Variants in ERLIN1 observed in about 807,000 individuals in gnomAD.
ERLIN1 encodes the protein erlin-1.
A neutral mutation model predicts 46.9 loss-of-function variants in ERLIN1; 24 were observed. The observed-to-expected ratio is 0.51, with a 90% confidence interval of 0.37 to 0.72. ERLIN1 has a LOEUF of 0.72. Ranked by LOEUF, ERLIN1 falls within the 30% of genes least tolerant of loss-of-function variation. The pLI is 0.00. For synonymous variants in ERLIN1, 158 were observed against 143.2 expected, an observed-to-expected ratio of 1.10 and a Z score of -0.74; for missense variants, 293 against 417.9, an observed-to-expected ratio of 0.70 and a Z score of 2.61.
chr10:100,159,486 CACAG>C (rs1159594008), intron 8 of ERLIN1, among the ~76,000 whole-genome samples: 1 of 152,128 alleles, frequency 6.6e-6, no homozygotes, highest in Non-Finnish European at 1.5e-5. Flanking sequence ...TTTTCAAGCA[CACAG>C]ACATTTACAA....
At chr10:100,154,239 A>T (rs1842956340) in intron 10 of ERLIN1, among the ~76,000 whole-genome samples, 1 of 152,146 alleles carries the variant, frequency 6.6e-6, no homozygotes, top group Admixed American at 6.5e-5. Context: ...ACACCAAATT[A>T]TCACCTATAT....
chr10:100,172,272 T>C (rs1589541297), intron 6 of ERLIN1, among the ~76,000 whole-genome samples: 1 of 152,358 alleles, frequency 6.6e-6, no homozygotes, highest in Non-Finnish European at 1.5e-5. Flanking sequence ...TCTGCTTTAG[T>C]TGAGCATGTA....
Position 100,185,620 on chromosome 10 carries a change from T to C in ERLIN1, c.7A>G (p.Met3Val), listed in dbSNP as rs368493509. ...GCCACCAGAACCCGGGCTTGAGTCA[T>C]ATTCATTCTCGTTCCTCCTGGGAGC... MN[M>V]TQARVLVAAV... The change falls in exon 1 of 11, where the codon ATG becomes GTG. Residue 3 changes from methionine to valine, a missense_variant. Met to Val is a conservative substitution (Grantham distance 21). Around this residue, in one of 3 missense-constraint regions of ERLIN1, gnomAD observed 76 missense variants for 77.0 expected, o/e 0.99. Transcript: ENST00000421367. The C allele has an allele frequency of 6.6e-5, 107 of 1,613,690 alleles. No homozygotes were observed. Among genetic ancestry groups the C allele is most frequent in the Non-Finnish European group, 8.1e-5 (95 of 1,179,706 alleles).
intron 6 of ERLIN1, among the ~76,000 whole-genome samples, chr10:100,170,208 G>A (rs1843910330): frequency 6.6e-6 from 1 of 152,128 alleles, no homozygotes; most frequent in African/African-American, 2.4e-5. Context: ...ATATGGTAAT[G>A]TGTTAAAAAT....
At chr10:100,158,680 C>T (rs1219926576) in intron 8 of ERLIN1, among the ~76,000 whole-genome samples, 4 of 152,052 alleles carry the variant, frequency 2.6e-5, no homozygotes. Context: ...CAACATGAAA[C>T]TAAAATACTA....
At chr10:100,152,736 A>AT (rs1313092073) in intron 10 of ERLIN1, among the ~76,000 whole-genome samples, 1 of 152,070 alleles carries the variant, frequency 6.6e-6, no homozygotes, top group Non-Finnish European at 1.5e-5. Flanking sequence ...AATTATTTTT[A>AT]TTTTTGTAGA....
intron 9 of ERLIN1, among the ~76,000 whole-genome samples, chr10:100,155,721 A>G (rs1249616710): frequency 6.6e-6 from 1 of 152,008 alleles, no homozygotes; most frequent in Admixed American, 6.5e-5. Flanking sequence ...TCACCGTTTT[A>G]GCCGGGATGG....
rs752701345 is a variant in ERLIN1, at chr10:100,155,504, A to AT, written c.746-566dup. Among the ~76,000 whole-genome samples, 52 of 131,530 alleles carry AT rather than the reference A, an allele frequency of 4.0e-4. No individual in the cohort carries two copies. The East Asian group carries it at 0.012, about 30-fold the overall frequency. 86.3% of individuals were successfully genotyped at this position (131,530 alleles called of 152,430 possible). On this transcript the variant is annotated intron_variant, in intron 9 of 10. Transcript: ENST00000421367. ...AAAGAAACTGGTCGTGATGGGGTTT[A>AT]TTTATTTTTAATTTTTTTTTTATTT... is the stretch of plus-strand genomic sequence containing the variant.
intron 8 of ERLIN1, among the ~76,000 whole-genome samples, chr10:100,157,727 A>G (rs75219350): frequency 0.011 from 1,658 of 152,334 alleles, 31 homozygotes; most frequent in African/African-American, 0.038. Flanking sequence ...CAGAAACTCA[A>G]GATAAAACAT....
chr10:100,153,329 A>G (rs1842906251), intron 10 of ERLIN1, among the ~76,000 whole-genome samples: 1 of 151,814 alleles, frequency 6.6e-6, no homozygotes, highest in African/African-American at 2.4e-5. Flanking sequence ...GTCGACCACC[A>G]GATCTCCCTC....
Position 100,156,135 on chromosome 10 carries a change from C to T in ERLIN1, c.745+10G>A. 6.3e-7 allele frequency: 1 copy of T among 1,593,314 alleles called. No homozygotes were observed. Among genetic ancestry groups the T allele is most frequent in the African/African-American group, 1.3e-5 (1 of 74,714 alleles). On this transcript the variant is annotated intron_variant, in intron 9 of 10. Transcript: ENST00000421367. ...GACAGGCAGAGCTTCATCCTCTCCC[C>T]ACAATGTACCTTCGATTTCAGAAAT...
chr10:100,176,916 G>A (rs151119814), intron 4 of ERLIN1, among the ~76,000 whole-genome samples: 90 of 152,240 alleles, frequency 5.9e-4, no homozygotes, highest in African/African-American at 2.1e-3. Context: ...TGAGTCAGGA[G>A]TTCAAGACCA....
At chr10:100,170,394 G>A (rs574862750) in intron 6 of ERLIN1, among the ~76,000 whole-genome samples, 1 of 152,194 alleles carries the variant, frequency 6.6e-6, no homozygotes, top group South Asian at 2.1e-4. Flanking sequence ...CTAAAACAAT[G>A]GAGATCTCTA....
chr10:100,152,122 C>T lies in ERLIN1; in HGVS notation c.*9G>A. 6.3e-7 allele frequency: 1 copy of T among 1,577,610 alleles called. No individual in the cohort carries two copies. Among genetic ancestry groups the T allele is most frequent in the Non-Finnish European group, 8.7e-7 (1 of 1,146,758 alleles). On this transcript the variant is annotated 3_prime_UTR_variant, in exon 11 of 11. Coordinates refer to ENST00000421367, the MANE Select transcript of ERLIN1 (RefSeq NM_006459.4). ...CATCTTGATATGGAGAACATTTCCA[C>T]CTCTTGCATCAACCTGTGCTCTCTT...
intron 8 of ERLIN1, among the ~76,000 whole-genome samples, chr10:100,160,297 G>C (rs1843295326): frequency 6.6e-6 from 1 of 152,010 alleles, no homozygotes; most frequent in Non-Finnish European, 1.5e-5. Flanking sequence ...ACAAGACTAA[G>C]ATGGCTTTTA....
intron 5 of ERLIN1, among the ~76,000 whole-genome samples, chr10:100,174,751 A>T (rs1475321208): frequency 6.6e-6 from 1 of 152,166 alleles, no homozygotes; most frequent in East Asian, 1.9e-4. Flanking sequence ...ACTAAACTTC[A>T]TTTCCATGGA....
At position 100,185,551 on chromosome 10, in the gene ERLIN1, G is replaced by A; in HGVS notation, c.76C>T (p.His26Tyr). 1 of 1,613,862 alleles carries A rather than the reference G, an allele frequency of 6.2e-7. No homozygotes were observed. Among genetic ancestry groups the A allele is most frequent in the Non-Finnish European group, 8.5e-7 (1 of 1,179,736 alleles). Reference sequence around the variant, plus strand: ...GCCAGATGGCCCTCCTCAATCTTGTGGATGGAGGCGTAGAGCAGGACAGCC... The same window carrying A: ...GCCAGATGGCCCTCCTCAATCTTGTAGATGGAGGCGTAGAGCAGGACAGCC... ...LVAVLLYASI[H>Y]KIEEGHLAVY... is the part of the protein sequence containing the mutation. Residue 26 changes from histidine to tyrosine, a missense_variant, in exon 1 of 11, where the codon CAC (histidine) becomes TAC (tyrosine). His to Tyr is a moderately conservative substitution (Grantham distance 83, BLOSUM62 2). Coordinates refer to ENST00000421367, the MANE Select transcript of ERLIN1 (RefSeq NM_006459.4).
intron 6 of ERLIN1, among the ~76,000 whole-genome samples, chr10:100,168,899 G>A (rs1331073787): frequency 1.3e-5 from 2 of 152,058 alleles, no homozygotes; most frequent in Admixed American, 1.3e-4. Context: ...GGTCAAGCTG[G>A]TCTCGAACTC....
chr10:100,179,185 C>A lies in ERLIN1; in HGVS notation c.242+16G>T. 1.9e-6 allele frequency: 3 copies of A among 1,584,076 alleles called. No homozygotes were observed. Among genetic ancestry groups the A allele is most frequent in the Non-Finnish European group, 2.6e-6 (3 of 1,162,244 alleles). The stretch of plus-strand genomic sequence containing the variant: ...TCTGAGCTAAAGGGAGGCTCGTAGG[C>A]AAAGAGAAAGCTTACCTTGTTCCAC... On this transcript the variant is annotated intron_variant, in intron 3 of 10. Coordinates refer to ENST00000421367, the MANE Select transcript of ERLIN1 (RefSeq NM_006459.4).
Sources: gnomAD v4.1 joint callset for allele counts (sites outside exome capture counted in the v4.1 genomes callset) on GRCh38, gnomAD v4.1.1 for gene constraint, gnomAD v4.1.1 regional missense constraint, MANE v1.5 for transcripts, NCBI Gene and HGNC (gene_info 2026-07-23, HGNC 2026-07-21) for gene names.